JAZF1: variants seen among roughly 807,000 people sequenced by gnomAD.
The protein encoded by JAZF1 is juxtaposed with another zinc finger protein 1.
Under a neutral mutation model 26.4 loss-of-function variants are expected in JAZF1, and 8 were observed. The observed-to-expected ratio is 0.30, with a 90% CI of 0.18 to 0.55. JAZF1 has a LOEUF of 0.55. Among genes scored for constraint, JAZF1 ranks in the 20% least tolerant of loss-of-function variants. JAZF1 has a pLI of 0.94. For synonymous variants in JAZF1, 126 were observed against 122.3 expected (o/e 1.03, Z -0.20); for missense variants, 199 against 322.0 (o/e 0.62, Z 2.92).
At chr7:28,118,806 CAG>C (rs1228645915) in intron 1 of JAZF1, among the ~76,000 whole-genome samples, 4 of 151,872 alleles carry the variant, frequency 2.6e-5, no homozygotes, top group South Asian at 2.1e-4. Context: ...CACACACACA[CAG>C]AGTCATGAGC....
At position 28,096,587 on chromosome 7, in the gene JAZF1, G is replaced by A. The variant is rs1282179730; in HGVS notation, c.115+83876C>T. On this transcript the variant is annotated intron_variant, in intron 1 of 4. Transcript: ENST00000283928. ...TCATGCATGTTGATAGACGATTCAAGGAAAAATTCATAAAACAGAACTGCA... is the reference window on the plus strand; with the variant it reads ...TCATGCATGTTGATAGACGATTCAAAGAAAAATTCATAAAACAGAACTGCA... Among the ~76,000 whole-genome samples, 4 of 152,180 alleles carry A rather than the reference G, an allele frequency of 2.6e-5. No homozygotes were observed. In the East Asian group the frequency reaches 7.7e-4, roughly 29 times the overall value.
At chr7:28,053,887 G>A (rs575242104) in intron 1 of JAZF1, among the ~76,000 whole-genome samples, 81 of 152,108 alleles carry the variant, frequency 5.3e-4, no homozygotes, top group African/African-American at 1.9e-3. Context: ...CTCACACCCC[G>A]AGCAGCTCTG....
At chr7:27,922,070 A>G (rs1199646692) in intron 2 of JAZF1, among the ~76,000 whole-genome samples, 1 of 152,214 alleles carries the variant, frequency 6.6e-6, no homozygotes, top group Non-Finnish European at 1.5e-5. Flanking sequence ...AAATTTTTAC[A>G]GGGCATTTTA....
At chr7:27,911,635 G>T (rs900628573) in intron 2 of JAZF1, among the ~76,000 whole-genome samples, 1 of 152,106 alleles carries the variant, frequency 6.6e-6, no homozygotes, top group Non-Finnish European at 1.5e-5. Context: ...AAATTTCCAC[G>T]ATCACAGAAA....
intron 1 of JAZF1, among the ~76,000 whole-genome samples, chr7:28,110,655 G>A (rs941337500): frequency 2.6e-5 from 4 of 151,166 alleles, no homozygotes; most frequent in African/African-American, 9.8e-5. Flanking sequence ...GGAAAGGAAA[G>A]GAAAAGAAAA....
chr7:28,059,345 A>C (rs957125839), intron 1 of JAZF1, among the ~76,000 whole-genome samples: 1 of 152,184 alleles, frequency 6.6e-6, no homozygotes. Flanking sequence ...TCTTAACTGG[A>C]ATAATTTGTC....
chr7:28,088,300 T>C (rs540617245), intron 1 of JAZF1, among the ~76,000 whole-genome samples: 99 of 152,352 alleles, frequency 6.5e-4, no homozygotes, highest in African/African-American at 2.3e-3. Context: ...CTCTTCCGCA[T>C]TGCTAAATCC....
Position 27,832,725 on chromosome 7 carries a change from C to T in JAZF1, c.*75G>A. On this transcript the variant is annotated 3_prime_UTR_variant, in exon 5 of 5. Coordinates refer to ENST00000283928, the MANE Select transcript of JAZF1 (RefSeq NM_175061.4). ...TCTTTAAAGGGTTGCTGAATGCTTC[C>T]CCTGAAAAAAGGTGGCTGTTTTCAA... 3 of 1,211,212 alleles carry T rather than the reference C, an allele frequency of 2.5e-6. No homozygotes were observed. The highest frequency in any genetic ancestry group is 2.7e-5 in the Admixed American group (1 of 36,948). 75.0% of individuals were successfully genotyped at this position (1,211,212 alleles called of 1,614,324 possible). A position where few individuals can be genotyped will look rare whatever the true frequency, so the allele number is the denominator to read the frequency against.
intron 1 of JAZF1, among the ~76,000 whole-genome samples, chr7:28,157,769 G>A (rs1202887167): frequency 1.3e-5 from 2 of 152,100 alleles, no homozygotes; most frequent in Non-Finnish European, 2.9e-5. Flanking sequence ...ATGAAGCTTA[G>A]CATGTAATGC....
intron 1 of JAZF1, among the ~76,000 whole-genome samples, chr7:28,170,337 ATGTGTGTGTGTGTGTGTGTGTGTG>A (rs61200785): frequency 0.1 from 10,205 of 98,586 alleles, 792 homozygotes; most frequent in East Asian, 0.44. Context: ...AGAAGTTGAT[ATGTGTGTGTGTGTGTGTGTGTGTG>A]TGTGTGTGTG....
intron 1 of JAZF1, among the ~76,000 whole-genome samples, chr7:28,110,448 AAAAGGAAAGG>A (rs147739964): frequency 0.016 from 1,026 of 64,018 alleles, 67 homozygotes; most frequent in Non-Finnish European, 0.02. Flanking sequence ...GAGAGAGAGA[AAAAGGAAAGG>A]AAAGGAAAGG....
chr7:27,947,378 T>A (rs1336193440), intron 2 of JAZF1, among the ~76,000 whole-genome samples: 1 of 152,200 alleles, frequency 6.6e-6, no homozygotes, highest in Non-Finnish European at 1.5e-5. Flanking sequence ...GAATATACTC[T>A]TTTTCTGATG....
At chr7:27,844,447 G>C (rs1156669300) in intron 3 of JAZF1, 1 of 152,068 alleles carries the variant, frequency 6.6e-6, no homozygotes, top group Non-Finnish European at 1.5e-5. Flanking sequence ...CCTTTGCTAG[G>C]GAACTCCTTC....
At chr7:28,080,446 T>G (rs555267208) in intron 1 of JAZF1, among the ~76,000 whole-genome samples, 2 of 152,370 alleles carry the variant, frequency 1.3e-5, no homozygotes, top group East Asian at 3.9e-4. Flanking sequence ...AACTTTTTCC[T>G]TGCATTCACA....
intron 1 of JAZF1, among the ~76,000 whole-genome samples, chr7:28,044,690 G>T (rs536193879): frequency 6.6e-6 from 1 of 152,274 alleles, no homozygotes; most frequent in Non-Finnish European, 1.5e-5. Flanking sequence ...TTCTATGGCT[G>T]GAGGCAGCTA....
At chr7:28,080,787 A>G (rs1303346511) in intron 1 of JAZF1, among the ~76,000 whole-genome samples, 1 of 152,228 alleles carries the variant, frequency 6.6e-6, no homozygotes, top group Non-Finnish European at 1.5e-5. Context: ...TTACAATAGT[A>G]AAGTCAAAGA....
chr7:27,850,384 CCT>C (rs1366450928), intron 3 of JAZF1, among the ~76,000 whole-genome samples: 3 of 152,164 alleles, frequency 2.0e-5, no homozygotes, highest in South Asian at 2.1e-4. Context: ...GTCATTCTCC[CCT>C]GTCTCCTCCT....
intron 1 of JAZF1, among the ~76,000 whole-genome samples, chr7:28,170,337 ATGTGTGTGTGTG>A (rs61200785): frequency 0.025 from 2,452 of 98,414 alleles, 18 homozygotes; most frequent in African/African-American, 0.06. Context: ...AGAAGTTGAT[ATGTGTGTGTGTG>A]TGTGTGTGTG....
intron 1 of JAZF1, among the ~76,000 whole-genome samples, chr7:28,020,302 A>G (rs1782981565): frequency 6.6e-6 from 1 of 152,202 alleles, no homozygotes; most frequent in Non-Finnish European, 1.5e-5. Context: ...AGTAGGAGTG[A>G]GGAAAGTATT....
Sources: gnomAD v4.1 joint callset for allele counts (sites outside exome capture counted in the v4.1 genomes callset) on GRCh38, gnomAD v4.1.1 for gene constraint, MANE v1.5 for transcripts, NCBI Gene and HGNC (gene_info 2026-07-23, HGNC 2026-07-21) for gene names.